The following PRKG1 variants were observed in gnomAD, a reference collection of about 807,000 sequenced individuals.
The protein encoded by PRKG1 is cGMP-dependent protein kinase 1.
PRKG1 carries 35 observed loss-of-function variants against 88.1 expected under a neutral mutation model. The observed-to-expected ratio is 0.40, with a 90% confidence interval of 0.30 to 0.53. PRKG1 has a LOEUF of 0.53. Among genes scored for constraint, PRKG1 ranks in the 20% least tolerant of loss-of-function variants. The pLI is 0.59. For synonymous variants in PRKG1, 303 were observed against 292.5 expected (o/e 1.04, Z -0.37); for missense variants, 540 against 839.8 (o/e 0.64, Z 4.41).
intron 7 of PRKG1, among the ~76,000 whole-genome samples, chr10:52,125,033 C>CT (rs1379850492): frequency 3.3e-5 from 5 of 151,838 alleles, no homozygotes; most frequent in Admixed American, 1.3e-4. Flanking sequence ...AAGCCCTTTT[C>CT]TTTTTTTTAG....
intron 9 of PRKG1, among the ~76,000 whole-genome samples, chr10:52,220,696 G>A (rs1261955881): frequency 6.6e-6 from 1 of 152,002 alleles, no homozygotes; most frequent in African/African-American, 2.4e-5. Flanking sequence ...GTGTGAGTTT[G>A]CTAAGGATAA....
At chr10:51,697,560 AGAAC>A in intron 3 of PRKG1, 1 of 873,018 alleles carries the variant, frequency 1.1e-6, no homozygotes, top group Non-Finnish European at 1.7e-6. Flanking sequence ...AGAAAGAAAA[AGAAC>A]AAAAAATAAG....
At chr10:51,699,851 T>C (rs1236262668) in intron 3 of PRKG1, among the ~76,000 whole-genome samples, 1 of 152,210 alleles carries the variant, frequency 6.6e-6, no homozygotes, top group Admixed American at 6.5e-5. Context: ...ACACGCTTGG[T>C]ACGAGATGAC....
intron 3 of PRKG1, among the ~76,000 whole-genome samples, chr10:51,670,719 G>C (rs966886756): frequency 1.4e-5 from 2 of 147,434 alleles, no homozygotes; most frequent in African/African-American, 5.0e-5. Context: ...CTGGGCGACA[G>C]AGCGAGACTC....
intron 3 of PRKG1, among the ~76,000 whole-genome samples, chr10:51,562,759 C>T (rs1837501383): frequency 6.6e-6 from 1 of 151,846 alleles, no homozygotes. Context: ...TAAATGTAAG[C>T]ATCATACTTT....
At chr10:51,050,601 A>C (rs1843548583) in intron 1 of PRKG1, among the ~76,000 whole-genome samples, 1 of 152,162 alleles carries the variant, frequency 6.6e-6, no homozygotes, top group Non-Finnish European at 1.5e-5. Flanking sequence ...GGCTATTGTA[A>C]ATAATGCTGC....
At position 52,296,680 on chromosome 10, in the gene PRKG1, G is replaced by A. The variant is rs1007221988; in HGVS notation, c.*2780G>A. On this transcript the variant is annotated 3_prime_UTR_variant, in exon 18 of 18. Transcript: ENST00000373980. ...AATGTGTTGAGTATGGGAAATAAGGGCTTTCTGTGTGTCTTGACTCACAGG... is the reference window on the plus strand; with the variant it reads ...AATGTGTTGAGTATGGGAAATAAGGACTTTCTGTGTGTCTTGACTCACAGG... The A allele has an allele frequency of 3.9e-5, 6 of 152,034 alleles. No homozygotes were observed. The highest frequency in any genetic ancestry group is 1.4e-4 in the African/African-American group (6 of 41,436). 9.4% of individuals were successfully genotyped at this position (152,034 alleles called of 1,614,324 possible). A position where few individuals can be genotyped will look rare whatever the true frequency, so the allele number is the denominator to read the frequency against.
At chr10:52,192,707 T>C (rs1231148485) in intron 9 of PRKG1, among the ~76,000 whole-genome samples, 8 of 152,112 alleles carry the variant, frequency 5.3e-5, no homozygotes, top group South Asian at 2.1e-4. Flanking sequence ...CTCCACAGAA[T>C]TGGTAACTTT....
rs539370359 is a variant in PRKG1, at chr10:51,668,330, A to T, written c.593-136255A>T. On this transcript the variant is annotated intron_variant, in intron 3 of 17. Transcript: ENST00000373980. ...CTTGTTGGAGTTTAGGACTTGGTAA[A>T]TTTTTTGTGAGTGTGGAAGAATTTT... is the stretch of plus-strand genomic sequence containing the variant. Among the ~76,000 whole-genome samples, 84 of 152,254 alleles carry T rather than the reference A, an allele frequency of 5.5e-4. 1 individual carries two copies. In the East Asian group the frequency reaches 0.013, roughly 24 times the overall value.
At chr10:51,986,920 TG>T (rs1844173732) in intron 5 of PRKG1, among the ~76,000 whole-genome samples, 1 of 152,232 alleles carries the variant, frequency 6.6e-6, no homozygotes. Flanking sequence ...TTCAGGGAGA[TG>T]GGGAAGTCTG....
At chr10:51,943,122 A>G (rs1432121723) in intron 5 of PRKG1, among the ~76,000 whole-genome samples, 1 of 151,852 alleles carries the variant, frequency 6.6e-6, no homozygotes, top group African/African-American at 2.4e-5. Flanking sequence ...ATCCTCTTTT[A>G]TTTCATTGAG....
chr10:51,842,689 A>C (rs575618703), intron 4 of PRKG1, among the ~76,000 whole-genome samples: 1 of 152,170 alleles, frequency 6.6e-6, no homozygotes, highest in Non-Finnish European at 1.5e-5. Context: ...TGCATACTAT[A>C]TGTGTATATG....
chr10:52,013,138 G>C (rs897584561), intron 5 of PRKG1, among the ~76,000 whole-genome samples: 7 of 151,910 alleles, frequency 4.6e-5, no homozygotes, highest in Admixed American at 2.0e-4. Context: ...GGTTGGGAGG[G>C]CCGGGTGCGG....
intron 1 of PRKG1, among the ~76,000 whole-genome samples, chr10:51,053,769 G>A (rs1436843960): frequency 1.4e-5 from 1 of 71,642 alleles, no homozygotes; most frequent in South Asian, 5.2e-4. Context: ...GTAGTTATGG[G>A]TTTTTTTTGT....
chr10:51,821,547 T>C (rs1839745639), intron 4 of PRKG1, among the ~76,000 whole-genome samples: 1 of 152,090 alleles, frequency 6.6e-6, no homozygotes, highest in Admixed American at 6.6e-5. Flanking sequence ...AATATTTTAA[T>C]CAAATAAAAT....
chr10:52,244,857 T>TATATTTAAATATTATAAA lies in PRKG1; in HGVS notation c.1077-6701_1077-6684dup, dbSNP rs1229846889. On this transcript the variant is annotated intron_variant, in intron 9 of 17. Transcript: ENST00000373980. Reference sequence around the variant, plus strand: ...TTTAATATATATTTAAATATTTTTATATATTTAAATATTATAAAATATTTA... The same window carrying TATATTTAAATATTATAAA: ...TTTAATATATATTTAAATATTTTTATATATTTAAATATTATAAAATATTTAAATATTATAAAATATTTA... Among the ~76,000 whole-genome samples the TATATTTAAATATTATAAA allele has an allele frequency of 3.1e-3, 344 of 109,786 alleles. 1 individual carries two copies. The highest frequency in any genetic ancestry group is 5.3e-3 in the South Asian group (18 of 3,368). 72.0% of individuals were successfully genotyped at this position (109,786 alleles called of 152,430 possible).
At chr10:52,035,585 G>C (rs1845586879) in intron 5 of PRKG1, among the ~76,000 whole-genome samples, 1 of 152,142 alleles carries the variant, frequency 6.6e-6, no homozygotes, top group Non-Finnish European at 1.5e-5. Flanking sequence ...ATGTCAGATG[G>C]ATCAGAGAGA....
At chr10:51,260,942 T>C (rs1490590037) in intron 2 of PRKG1, among the ~76,000 whole-genome samples, 1 of 152,218 alleles carries the variant, frequency 6.6e-6, no homozygotes, top group Non-Finnish European at 1.5e-5. Flanking sequence ...ATAAGAACTG[T>C]GCTGTTCTTT....
chr10:51,928,010 C>T (rs775080803), intron 5 of PRKG1, among the ~76,000 whole-genome samples: 1 of 152,088 alleles, frequency 6.6e-6, no homozygotes, highest in Admixed American at 6.6e-5. Flanking sequence ...GAGTTTGTGA[C>T]AACTTTCAGG....
Sources: gnomAD v4.1 joint callset for allele counts (sites outside exome capture counted in the v4.1 genomes callset) on GRCh38, gnomAD v4.1.1 for gene constraint, MANE v1.5 for transcripts, NCBI Gene and HGNC (gene_info 2026-07-23, HGNC 2026-07-21) for gene names.